Variants in CNTN6 observed in about 807,000 individuals in gnomAD.
CNTN6 encodes contactin-6.
A neutral mutation model predicts 122.8 loss-of-function variants in CNTN6; 137 were observed. That is an observed-to-expected ratio of 1.12 (90% CI 0.97 to 1.29). The LOEUF (loss-of-function observed/expected upper bound fraction) is 1.29. Among genes scored for constraint, CNTN6 ranks in the 50% most tolerant of loss-of-function variants. CNTN6 has a pLI of 0.00. For synonymous variants in CNTN6, 570 were observed against 426.0 expected (o/e 1.34, Z -4.16); for missense variants, 1,634 against 1,223.4 (o/e 1.34, Z -5.01).
At chr3:1,242,174 T>G (rs2094494683) in intron 4 of CNTN6, among the ~76,000 whole-genome samples, 1 of 152,196 alleles carries the variant, frequency 6.6e-6, no homozygotes, top group Non-Finnish European at 1.5e-5. Context: ...CTGTGAAGCT[T>G]TGCAGCAGTA....
At chr3:1,245,031 T>C (rs142208024) in intron 4 of CNTN6, among the ~76,000 whole-genome samples, 8,271 of 148,516 alleles carry the variant, frequency 0.056, 307 homozygotes, top group East Asian at 0.14. Context: ...TCAGGCCATC[T>C]GGATGTATAC....
chr3:1,381,027 T>G (rs1179756469), intron 17 of CNTN6, among the ~76,000 whole-genome samples: 1 of 152,194 alleles, frequency 6.6e-6, no homozygotes, highest in Non-Finnish European at 1.5e-5. Flanking sequence ...GGGAAGTATC[T>G]AAATAAGTCT....
intron 1 of CNTN6, among the ~76,000 whole-genome samples, chr3:1,122,194 A>T (rs1263461625): frequency 6.6e-6 from 1 of 151,948 alleles, no homozygotes; most frequent in Non-Finnish European, 1.5e-5. Context: ...ATTGTCCCTG[A>T]ATGTATGTGC....
At chr3:1,110,580 A>C (rs1204417452) in intron 1 of CNTN6, among the ~76,000 whole-genome samples, 1 of 152,132 alleles carries the variant, frequency 6.6e-6, no homozygotes, top group African/African-American at 2.4e-5. Flanking sequence ...ATACAGACGA[A>C]GCTTGAAGGA....
At chr3:1,289,881 A>G (rs1020151841) in intron 5 of CNTN6, among the ~76,000 whole-genome samples, 4 of 152,054 alleles carry the variant, frequency 2.6e-5, no homozygotes, top group Non-Finnish European at 4.4e-5. Context: ...TCACCGTGTT[A>G]GCCAGGATGG....
intron 17 of CNTN6, among the ~76,000 whole-genome samples, chr3:1,382,464 G>T (rs114331974): frequency 0.033 from 4,957 of 152,196 alleles, 113 homozygotes; most frequent in South Asian, 0.055. Flanking sequence ...CTTTTTTAAA[G>T]AAATATTCTG....
intron 10 of CNTN6, among the ~76,000 whole-genome samples, chr3:1,329,183 A>G (rs563736104): frequency 6.6e-6 from 1 of 151,360 alleles, no homozygotes; most frequent in South Asian, 2.1e-4. Flanking sequence ...TCAGAAACAC[A>G]CATACATATA....
chr3:1,216,107 G>T (rs188432071), intron 2 of CNTN6, among the ~76,000 whole-genome samples: 22 of 152,030 alleles, frequency 1.4e-4, no homozygotes, highest in African/African-American at 4.8e-4. Flanking sequence ...ATTATTAATT[G>T]GTTAAACAGA....
intron 2 of CNTN6, chr3:1,173,095 A>G (rs2093388511): frequency 2.0e-5 from 8 of 395,156 alleles, no homozygotes; most frequent in East Asian, 7.2e-5. Context: ...TTGTCTTGCT[A>G]TTTGGAGATG....
At chr3:1,310,872 A>C (rs891169720) in intron 7 of CNTN6, among the ~76,000 whole-genome samples, 1 of 152,024 alleles carries the variant, frequency 6.6e-6, no homozygotes, top group Non-Finnish European at 1.5e-5. Flanking sequence ...GTGGTGGTGC[A>C]CACCTGTAAT....
chr3:1,276,817 A>T (rs1692452963), intron 4 of CNTN6, among the ~76,000 whole-genome samples: 1 of 152,204 alleles, frequency 6.6e-6, no homozygotes, highest in African/African-American at 2.4e-5. Flanking sequence ...TATATGTAAT[A>T]TAATGATCTA....
chr3:1,299,944 C>G (rs1335756331), intron 7 of CNTN6, among the ~76,000 whole-genome samples: 1 of 151,994 alleles, frequency 6.6e-6, no homozygotes, highest in African/African-American at 2.4e-5. Flanking sequence ...AATAAATGCT[C>G]ACTGAATTAT....
intron 4 of CNTN6, among the ~76,000 whole-genome samples, chr3:1,237,111 A>C (rs939723006): frequency 3.3e-5 from 5 of 152,040 alleles, no homozygotes; most frequent in African/African-American, 4.8e-5. Context: ...CACCAAAAAA[A>C]GGTGAAGTCC....
intron 12 of CNTN6, among the ~76,000 whole-genome samples, chr3:1,367,180 C>T (rs956810636): frequency 4.6e-5 from 7 of 152,162 alleles, no homozygotes; most frequent in Admixed American, 3.3e-4. Flanking sequence ...AATTAAAATC[C>T]TCATTGGGTA....
At chr3:1,241,960 G>A in intron 4 of CNTN6, among the ~76,000 whole-genome samples, 1 of 152,194 alleles carries the variant, frequency 6.6e-6, no homozygotes, top group Non-Finnish European at 1.5e-5. Context: ...TACAGGGTGT[G>A]GTCCTGGCTC....
chr3:1,215,645 T>G (rs972456279), intron 2 of CNTN6, among the ~76,000 whole-genome samples: 4 of 152,208 alleles, frequency 2.6e-5, no homozygotes, highest in Non-Finnish European at 4.4e-5. Flanking sequence ...AGTTATGTTT[T>G]CTTTTAGATT....
chr3:1,343,821 G>T (rs547852443), intron 11 of CNTN6, among the ~76,000 whole-genome samples: 1 of 152,044 alleles, frequency 6.6e-6, no homozygotes, highest in East Asian at 1.9e-4. Flanking sequence ...TCAAGCAACT[G>T]CTCCTAAATT....
At chr3:1,119,716 C>T (rs1184650327) in intron 1 of CNTN6, among the ~76,000 whole-genome samples, 6 of 151,882 alleles carry the variant, frequency 4.0e-5, no homozygotes, top group African/African-American at 1.5e-4. Flanking sequence ...ATGAAATTGT[C>T]ATTGACTTTA....
At chr3:1,200,730 A>G (rs1465448583) in intron 2 of CNTN6, among the ~76,000 whole-genome samples, 1 of 152,110 alleles carries the variant, frequency 6.6e-6, no homozygotes, top group Non-Finnish European at 1.5e-5. Context: ...AGCCCTCAGG[A>G]TTAGTTCCTC....
Sources: allele counts gnomAD v4.1 joint callset (sites outside exome capture counted in the v4.1 genomes callset), GRCh38; gene constraint gnomAD v4.1.1; transcripts MANE v1.5; gene names NCBI Gene and HGNC (gene_info 2026-07-23, HGNC 2026-07-21).